MED8: variants seen among roughly 807,000 people sequenced by gnomAD.
MED8 encodes mediator of RNA polymerase II transcription subunit 8.
Under a neutral mutation model 34.8 loss-of-function variants are expected in MED8, and 22 were observed. The ratio of observed to expected loss-of-function variants is 0.63; its 90% CI spans 0.45 to 0.90. The LOEUF is 0.90. MED8 is among the 40% of genes least tolerant of loss of function. MED8 has a pLI of 0.00. For missense variants in MED8, 260 were observed against 326.3 expected, an observed-to-expected ratio of 0.80 and a Z score of 1.57; for synonymous variants, 105 against 120.2, an observed-to-expected ratio of 0.87 and a Z score of 0.83.
chr1:43,387,703 GTAAA>G, intron 2 of MED8, 56 bp from the exon 3 acceptor site: 1 of 1,597,462 alleles, frequency 6.3e-7, no homozygotes. Flanking sequence ...GTGGTTCTTA[GTAAA>G]ATAGTCCTAG....
intron 1 of MED8, 196 bp from the exon 2 acceptor site, chr1:43,388,624 T>G (rs1379227644): frequency 4.9e-6 from 4 of 814,430 alleles, no homozygotes; most frequent in Non-Finnish European, 5.5e-6. Flanking sequence ...TCCAACCTGT[T>G]TGCCTGACCC....
Position 43,386,310 on chromosome 1 carries a change from G to C in MED8, c.494-84C>G, listed in dbSNP as rs898240571. 6.6e-7 allele frequency: 1 copy of C among 1,508,692 alleles called. No homozygotes were observed. Among genetic ancestry groups the C allele is most frequent in the Non-Finnish European group, 8.9e-7 (1 of 1,127,990 alleles). The allele number at this position is 1,508,692 out of a possible 1,614,324, so 93.5% of individuals were successfully genotyped here. ...AGCTGGAAGACCAGTATGAGTGCCA[G>C]GGTTTGGAGTTCTGAATTCAGCAAC... On this transcript the variant is annotated intron_variant, in intron 5 of 6. Transcript: ENST00000372457. This position sits in a 1 kb window ranked among gnomAD's most constrained non-coding sequence, Gnocchi z 4.9.
intron 1 of MED8, 62 bp downstream of exon 1, chr1:43,389,697 C>G: frequency 6.3e-7 from 1 of 1,596,652 alleles, no homozygotes; most frequent in Non-Finnish European, 8.5e-7. Flanking sequence ...CCTTAGCCAG[C>G]CCACTCTCGG....
Position 43,384,900 on chromosome 1 carries a change from G to C in MED8, c.*142C>G. 9.8e-6 allele frequency: 14 copies of C among 1,431,308 alleles called. No homozygotes were observed. Among genetic ancestry groups the C allele is most frequent in the Non-Finnish European group, 1.3e-5 (14 of 1,089,500 alleles). 88.7% of individuals were successfully genotyped at this position (1,431,308 alleles called of 1,614,324 possible). ...TCACTTGTCCAAGGTCACACAGCTAGTCAGTGGTGGAAGTGGGATTTGTCT... is the reference window on the plus strand; with the variant it reads ...TCACTTGTCCAAGGTCACACAGCTACTCAGTGGTGGAAGTGGGATTTGTCT... On this transcript the variant is annotated 3_prime_UTR_variant, in exon 7 of 7. Coordinates refer to ENST00000372457, the MANE Select transcript of MED8 (RefSeq NM_201542.5).
At position 43,385,114 on chromosome 1, in the gene MED8, G is replaced by C. The variant is rs891747701; in HGVS notation, c.743-8C>G. On this transcript the variant is annotated splice_polypyrimidine_tract_variant and splice_region_variant and intron_variant, in intron 6 of 6. Coordinates refer to ENST00000372457, the MANE Select transcript of MED8 (RefSeq NM_201542.5). ...TTCCACTTGGCATTTTCCCTGAAAG[G>C]AACATTAAAAAAGTCATCTTAAGCA... 6.4e-7 allele frequency: 1 copy of C among 1,552,950 alleles called. No individual in the cohort carries two copies. Among genetic ancestry groups the C allele is most frequent in the Non-Finnish European group, 8.7e-7 (1 of 1,147,618 alleles).
Position 43,384,297 on chromosome 1 carries a change from AC to A in MED8, c.*744del. 1.0e-6 allele frequency: 1 copy of A among 956,032 alleles called. No individual in the cohort carries two copies. The highest frequency in any genetic ancestry group is 3.0e-5 in the East Asian group (1 of 33,652). 59.2% of individuals were successfully genotyped at this position (956,032 alleles called of 1,614,324 possible). On this transcript the variant is annotated 3_prime_UTR_variant, in exon 7 of 7. Transcript: ENST00000372457. ...GGGCTTTTTCGTGTGCTAAGGAAAA[AC>A]CCTTTCCCACATAGTCCTGCCTGGC... is the stretch of plus-strand genomic sequence containing the variant.
chr1:43,385,580 A>G (rs1189702156), intron 6 of MED8: 1 of 265,768 alleles, frequency 3.8e-6, no homozygotes, highest in Non-Finnish European at 7.3e-6. Context: ...AGAAAAGAAT[A>G]CATGTAGGAC....
At chr1:43,385,621 T>G in intron 6 of MED8, 1 of 301,966 alleles carries the variant, frequency 3.3e-6, no homozygotes, top group Non-Finnish European at 6.3e-6. Flanking sequence ...CAATTCCTGA[T>G]GCACCTACCA....
Position 43,386,745 on chromosome 1 carries a change from C to A in MED8, c.412-75G>T. On this transcript the variant is annotated intron_variant, in intron 4 of 6. Transcript: ENST00000372457. The surrounding 1 kb of genome is among the most constrained non-coding windows in gnomAD (Gnocchi z 4.9). ...GGAGAAATTTATTCCTTGGGTTCTG[C>A]CAGAAGCAACTTAGGCGCAACCAAC... is the stretch of plus-strand genomic sequence containing the variant. 6.3e-7 allele frequency: 1 copy of A among 1,590,434 alleles called. No individual in the cohort carries two copies. The highest frequency in any genetic ancestry group is 8.6e-7 in the Non-Finnish European group (1 of 1,167,058).
chr1:43,386,710 G>C lies in MED8; in HGVS notation c.412-40C>G. 1 of 1,594,410 alleles carries C rather than the reference G, an allele frequency of 6.3e-7. No individual in the cohort carries two copies. The highest frequency in any genetic ancestry group is 1.3e-5 in the African/African-American group (1 of 74,804). Reference sequence around the variant, plus strand: ...TTTGTGCAGAGATTAGGGTAACTAGGAAACGATATGGAGAAATTTATTCCT... The same window carrying C: ...TTTGTGCAGAGATTAGGGTAACTAGCAAACGATATGGAGAAATTTATTCCT... On this transcript the variant is annotated intron_variant, in intron 4 of 6. Coordinates refer to ENST00000372457, the MANE Select transcript of MED8 (RefSeq NM_201542.5). This position sits in a 1 kb window ranked among gnomAD's most constrained non-coding sequence, Gnocchi z 4.9.
rs185639443 is a variant in MED8, at chr1:43,386,547, A to G, written c.493+42T>C. 1,719 of 1,572,318 alleles carry G rather than the reference A, an allele frequency of 1.1e-3. 1 individual carries two copies. The highest frequency in any genetic ancestry group is 1.4e-3 in the Non-Finnish European group (1,572 of 1,152,218). The stretch of plus-strand genomic sequence containing the variant: ...CAACCATTCCCATTCCAGTGATCTT[A>G]TATACCTCTCCTTCTCTGTTTAGCC... On this transcript the variant is annotated intron_variant, in intron 5 of 6. Transcript: ENST00000372457. The surrounding 1 kb of genome is among the most constrained non-coding windows in gnomAD (Gnocchi z 4.9).
At chr1:43,388,793 A>T (rs1647894951) in intron 1 of MED8, 1 of 172,070 alleles carries the variant, frequency 5.8e-6, no homozygotes, top group Non-Finnish European at 1.3e-5. Flanking sequence ...TAGCACATGC[A>T]CTCCAGCTTC....
chr1:43,386,450 C>T lies in MED8; in HGVS notation c.493+139G>A, dbSNP rs745656201. 5 of 1,110,552 alleles carry T rather than the reference C, an allele frequency of 4.5e-6. No homozygotes were observed. The highest frequency in any genetic ancestry group is 6.4e-6 in the Non-Finnish European group (5 of 778,648). The allele number at this position is 1,110,552 out of a possible 1,614,324, so 68.8% of individuals were successfully genotyped here. On this transcript the variant is annotated intron_variant, in intron 5 of 6. Transcript: ENST00000372457. The surrounding 1 kb of genome is among the most constrained non-coding windows in gnomAD (Gnocchi z 4.9). ...ACTGCTTCAGTGCTGGCCTTAAATA[C>T]AAAAGGCTAACAGAATGGATACAAA...
Position 43,387,566 on chromosome 1 carries a change from C to G in MED8, c.207G>C (p.Pro69=). The part of the protein sequence containing the change: ...LNKVLKHEKT[P]LFRNQVIIPL... ...GAATGATGACCTGGTTACGGAACAGCGGTGTTTTTTCATGCTTCAAGACCT... is the reference window on the plus strand; with the variant it reads ...GAATGATGACCTGGTTACGGAACAGGGGTGTTTTTTCATGCTTCAAGACCT... The change falls in exon 3 of 7, where the codon CCG becomes CCC. Residue 69 remains proline (P), a synonymous_variant. Transcript: ENST00000372457. 6.2e-7 allele frequency: 1 copy of G among 1,613,982 alleles called. No individual in the cohort carries two copies. Among genetic ancestry groups the G allele is most frequent in the Non-Finnish European group, 8.5e-7 (1 of 1,179,872 alleles).
In MED8 at chr1:43,387,445, C is replaced by T. The variant is rs561411332; in HGVS notation, c.270+58G>A. 16 of 1,577,940 alleles carry T rather than the reference C, an allele frequency of 1.0e-5. No homozygotes were observed. The South Asian group carries it at 1.8e-4, about 18-fold the overall frequency. On this transcript the variant is annotated intron_variant, in intron 3 of 6. Coordinates refer to ENST00000372457, the MANE Select transcript of MED8 (RefSeq NM_201542.5). ...GCTAATAACTTAATTTCCCTAAATA[C>T]TAAAGAAGCCTAAAAAACCCCTTAA...
chr1:43,384,471 ATTT>A lies in MED8; in HGVS notation c.*568_*570del, dbSNP rs759679365. On this transcript the variant is annotated 3_prime_UTR_variant, in exon 7 of 7. Coordinates refer to ENST00000372457, the MANE Select transcript of MED8 (RefSeq NM_201542.5). ...AGCTTCACCAGAGCTGCAGGTGGGC[ATTT>A]TTTTTTCCTTCCTGGCCCAGAAGCT... 2 of 1,597,284 alleles carry A rather than the reference ATTT, an allele frequency of 1.3e-6. No homozygotes were observed. The highest frequency in any genetic ancestry group is 2.3e-5 in the South Asian group (2 of 88,548).
chr1:43,389,749 C>G lies in MED8; in HGVS notation c.6+10G>C, dbSNP rs775868930. 48 of 1,607,744 alleles carry G rather than the reference C, an allele frequency of 3.0e-5. No individual in the cohort carries two copies. The South Asian group carries it at 4.8e-4, about 16-fold the overall frequency. ...TTGCCAGCCGCTAGTACGCCCAACG[C>G]AACTCTCACCTGCATTGCGGCGGCC... On this transcript the variant is annotated intron_variant, in intron 1 of 6. Coordinates refer to ENST00000372457, the MANE Select transcript of MED8 (RefSeq NM_201542.5).
chr1:43,388,211 A>G, intron 2 of MED8, 99 bp downstream of exon 2: 1 of 1,188,146 alleles, frequency 8.4e-7, no homozygotes. Flanking sequence ...AGATGTTTGC[A>G]AACTGATAAA....
rs775720368 is a variant in MED8 at position 43,384,577 on chromosome 1, AAC to A, written c.*463_*464del. The A allele has an allele frequency of 6.3e-7, 1 of 1,585,562 alleles. No homozygotes were observed. The highest frequency in any genetic ancestry group is 1.9e-5 in the Admixed American group (1 of 53,890). ...CCTGCAAAAACAGTGTGCCTCTAAG[AAC>A]ACAGAGGTTGCTACAGTTTCTGGCA... On this transcript the variant is annotated 3_prime_UTR_variant, in exon 7 of 7. Coordinates refer to ENST00000372457, the MANE Select transcript of MED8 (RefSeq NM_201542.5).
Sources: allele counts gnomAD v4.1 joint callset, GRCh38; gene constraint gnomAD v4.1.1; non-coding constraint Gnocchi (gnomAD v3.1); transcripts MANE v1.5; gene names NCBI Gene and HGNC (gene_info 2026-07-23, HGNC 2026-07-21).